Variants in MATN2 observed in about 807,000 individuals in gnomAD.
MATN2 encodes matrilin-2.
MATN2 carries 69 observed loss-of-function variants against 103.2 expected under a neutral mutation model. The observed-to-expected ratio is 0.67, with a 90% CI of 0.55 to 0.82. The LOEUF is 0.82. Ranked by LOEUF, MATN2 falls within the 40% of genes least tolerant of loss-of-function variation. The probability of loss-of-function intolerance (pLI) is 0.00; values close to 1 mark genes in which losing one functional copy is unlikely to be tolerated. For synonymous variants in MATN2, 429 were observed against 450.2 expected (o/e 0.95, Z 0.60); for missense variants, 1,023 against 1,211.5 (o/e 0.84, Z 2.31).
At chr8:98,010,090 C>A (rs1813106692) in intron 10 of MATN2, among the ~76,000 whole-genome samples, 1 of 152,180 alleles carries the variant, frequency 6.6e-6, no homozygotes, top group Non-Finnish European at 1.5e-5. Context: ...AGTGCAGAAC[C>A]CCCTCTTCCA....
intron 4 of MATN2, among the ~76,000 whole-genome samples, chr8:97,953,557 C>T (rs894580711): frequency 2.0e-5 from 3 of 152,118 alleles, no homozygotes; most frequent in East Asian, 1.9e-4. Context: ...GAGGCCAAGG[C>T]GGGCAGATCA....
At chr8:97,905,353 G>A (rs1449158723) in intron 2 of MATN2, among the ~76,000 whole-genome samples, 1 of 152,094 alleles carries the variant, frequency 6.6e-6, no homozygotes, top group Non-Finnish European at 1.5e-5. Context: ...ATCCCAAATA[G>A]AAACTCTGTA....
intron 6 of MATN2, among the ~76,000 whole-genome samples, chr8:97,984,629 A>G (rs1812133841): frequency 2.0e-5 from 3 of 152,216 alleles, no homozygotes. Flanking sequence ...TCTTCCATTC[A>G]TAGGGTCCCC....
chr8:98,008,632 CCTGCCCAGCTGCCTCCCAGACTGCTG>C (rs1454750325), intron 10 of MATN2, among the ~76,000 whole-genome samples: 1 of 152,136 alleles, frequency 6.6e-6, no homozygotes, highest in African/African-American at 2.4e-5. Context: ...TCGGTGGCTC[CCTGCCCAGCTGCCTCCCAGACTGCTG>C]CTGCAGCCAG....
intron 5 of MATN2, among the ~76,000 whole-genome samples, chr8:97,969,178 C>T (rs946634760): frequency 6.6e-6 from 1 of 152,232 alleles, no homozygotes; most frequent in Non-Finnish European, 1.5e-5. Flanking sequence ...CAAGAACTCA[C>T]TCATCACCTA....
chr8:97,883,557 T>TC (rs1312026919), intron 1 of MATN2, among the ~76,000 whole-genome samples: 7 of 149,316 alleles, frequency 4.7e-5, no homozygotes, highest in Non-Finnish European at 1.0e-4. Context: ...CCAGCTAATT[T>TC]TTTTTTTTTT....
intron 1 of MATN2, among the ~76,000 whole-genome samples, chr8:97,874,937 C>T (rs1010356331): frequency 2.3e-4 from 35 of 152,020 alleles, no homozygotes; most frequent in African/African-American, 7.0e-4. Flanking sequence ...AGGCTGGTCT[C>T]GAACTTTTGA....
chr8:98,025,087 G>T (rs577397976), intron 13 of MATN2: 2 of 152,336 alleles, frequency 1.3e-5, no homozygotes, highest in African/African-American at 4.8e-5. Flanking sequence ...GAAATCTGCT[G>T]AAGAGCCACA....
rs961714483 is a variant in MATN2 at position 98,027,306 on chromosome 8, A to C, written c.1943-110A>C. On this transcript the variant is annotated intron_variant, in intron 13 of 18. Transcript: ENST00000254898. ...ATCCTGTGTATTATCTAAAGAACAA[A>C]ACTGGTTCCCCAAAGTGGTTATGCC... 9 of 916,010 alleles carry C rather than the reference A, an allele frequency of 9.8e-6. No homozygotes were observed. In the Admixed American group the frequency reaches 1.7e-4, roughly 18 times the overall value. The allele number at this position is 916,010 out of a possible 1,614,324, so 56.7% of individuals were successfully genotyped here. A position where few individuals can be genotyped will look rare whatever the true frequency, so the allele number is the denominator to read the frequency against.
At chr8:97,899,899 T>C (rs1818926242) in intron 2 of MATN2, among the ~76,000 whole-genome samples, 1 of 152,176 alleles carries the variant, frequency 6.6e-6, no homozygotes, top group Non-Finnish European at 1.5e-5. Flanking sequence ...TTCAGGGTGA[T>C]ATGAGAAACG....
At chr8:97,916,637 A>G (rs1331910947) in intron 2 of MATN2, among the ~76,000 whole-genome samples, 1 of 152,100 alleles carries the variant, frequency 6.6e-6, no homozygotes, top group Non-Finnish European at 1.5e-5. Flanking sequence ...TTCACAGCTT[A>G]TTTGTACTTC....
At chr8:97,918,301 G>C (rs912018699) in intron 2 of MATN2, among the ~76,000 whole-genome samples, 1 of 152,104 alleles carries the variant, frequency 6.6e-6, no homozygotes, top group Non-Finnish European at 1.5e-5. Context: ...CTTGAGGCCA[G>C]GACCTGACGA....
chr8:97,941,974 T>C (rs948187697), intron 4 of MATN2, 75 bp downstream of exon 4: 1 of 1,559,126 alleles, frequency 6.4e-7, no homozygotes, highest in Admixed American at 1.7e-5. Flanking sequence ...TCTGGGCTCA[T>C]TTTATTCATC....
intron 1 of MATN2, among the ~76,000 whole-genome samples, chr8:97,874,459 G>T (rs1817999421): frequency 6.7e-6 from 1 of 148,810 alleles, no homozygotes; most frequent in Non-Finnish European, 1.5e-5. Flanking sequence ...GGGCTATCAT[G>T]CAGTGGTGCG....
intron 7 of MATN2, among the ~76,000 whole-genome samples, chr8:97,998,514 T>C (rs1812674461): frequency 1.1e-5 from 1 of 94,160 alleles, no homozygotes; most frequent in South Asian, 3.1e-4. Flanking sequence ...AGTGAGACTC[T>C]GTCTCAAAAA....
intron 2 of MATN2, among the ~76,000 whole-genome samples, chr8:97,921,285 C>T (rs1004596333): frequency 6.6e-6 from 1 of 152,140 alleles, no homozygotes; most frequent in Non-Finnish European, 1.5e-5. Context: ...ATGTCTTAGA[C>T]CCATTAAGTA....
intron 1 of MATN2, among the ~76,000 whole-genome samples, chr8:97,884,015 T>A (rs957381167): frequency 2.5e-4 from 38 of 152,338 alleles, no homozygotes; most frequent in African/African-American, 9.1e-4. Context: ...AATGTGTATT[T>A]AACAATTATG....
intron 1 of MATN2, among the ~76,000 whole-genome samples, chr8:97,874,880 G>C (rs375016746): frequency 6.6e-6 from 1 of 151,966 alleles, no homozygotes; most frequent in Non-Finnish European, 1.5e-5. Flanking sequence ...ACCATGCCTG[G>C]CTAATTTTTC....
At chr8:98,013,160 TTGG>T (rs981092295) in intron 10 of MATN2, among the ~76,000 whole-genome samples, 21 of 152,346 alleles carry the variant, frequency 1.4e-4, no homozygotes, top group Admixed American at 3.9e-4. Flanking sequence ...GTTTCCAGAC[TTGG>T]TGGATAGAAA....
Sources: gnomAD v4.1 joint callset for allele counts (sites outside exome capture counted in the v4.1 genomes callset) on GRCh38, gnomAD v4.1.1 for gene constraint, MANE v1.5 for transcripts, NCBI Gene and HGNC (gene_info 2026-07-23, HGNC 2026-07-21) for gene names.